CMSS1: variants seen among roughly 807,000 people sequenced by gnomAD.
CMSS1 encodes the protein cms1 ribosomal small subunit homolog, also known as protein CMSS1.
Under a neutral mutation model 43.5 loss-of-function variants are expected in CMSS1, and 33 were observed. That is an observed-to-expected ratio of 0.76 (90% CI 0.57 to 1.01). The LOEUF is 1.01. Among genes scored for constraint, CMSS1 ranks in the 50% least tolerant of loss-of-function variants. The pLI is 0.00. For missense variants in CMSS1, 313 were observed against 326.4 expected (o/e 0.96, Z 0.32); for synonymous variants, 115 against 117.2 (o/e 0.98, Z 0.12).
chr3:100,098,520 A>G (rs139557974), intron 1 of CMSS1, among the ~76,000 whole-genome samples: 2 of 152,362 alleles, frequency 1.3e-5, no homozygotes, highest in African/African-American at 2.4e-5. Context: ...ATTGTTAGCT[A>G]TAATTGACTG....
At chr3:99,820,488 C>T (rs1247046174) in intron 1 of CMSS1, among the ~76,000 whole-genome samples, 1 of 152,174 alleles carries the variant, frequency 6.6e-6, no homozygotes, top group African/African-American at 2.4e-5. Context: ...TGAATCACCG[C>T]ACCCGGCCAA....
chr3:99,928,699 G>C (rs941678456), intron 1 of CMSS1, among the ~76,000 whole-genome samples: 10 of 152,126 alleles, frequency 6.6e-5, no homozygotes, highest in Admixed American at 3.9e-4. Context: ...TTTTGTTAGG[G>C]TTATGTTCAG....
intron 1 of CMSS1, among the ~76,000 whole-genome samples, chr3:99,886,245 GGGGAATGAGTGTAAA>G (rs1705892365): frequency 1.4e-5 from 1 of 73,734 alleles, no homozygotes; most frequent in African/African-American, 5.7e-5. Flanking sequence ...CCTGGTGAGA[GGGGAATGAGTGTAAA>G]GCAGGGATGT....
At chr3:99,947,273 T>C (rs947823560) in intron 1 of CMSS1, among the ~76,000 whole-genome samples, 1 of 152,088 alleles carries the variant, frequency 6.6e-6, no homozygotes, top group Non-Finnish European at 1.5e-5. Flanking sequence ...TAGTTTCCCA[T>C]AGACTTTCTT....
rs140286856 is a variant in CMSS1, at chr3:99,906,440, T to A, written c.64+88397T>A. On this transcript the variant is annotated intron_variant, in intron 1 of 9. Coordinates refer to ENST00000421999, the MANE Select transcript of CMSS1 (RefSeq NM_032359.4). Reference sequence around the variant, plus strand: ...ATTCTGTATGTGAGTCTTTTGTTGGTTATACATAAGCAAATATCTTCTCCC... The same window carrying A: ...ATTCTGTATGTGAGTCTTTTGTTGGATATACATAAGCAAATATCTTCTCCC... Among the ~76,000 whole-genome samples the A allele has an allele frequency of 8.8e-4, 134 of 152,348 alleles. No individual in the cohort carries two copies. In the East Asian group the frequency reaches 0.022, roughly 25 times the overall value.
At chr3:99,930,416 C>T (rs1223715745) in intron 1 of CMSS1, among the ~76,000 whole-genome samples, 1 of 152,122 alleles carries the variant, frequency 6.6e-6, no homozygotes, top group Non-Finnish European at 1.5e-5. Flanking sequence ...GTCTAGGAGC[C>T]AGTTCACTTG....
At chr3:99,850,773 C>T (rs1943648716) in intron 1 of CMSS1, 1 of 1,614,058 alleles carries the variant, frequency 6.2e-7, no homozygotes, top group Admixed American at 1.7e-5. Context: ...CTTGGTGAAA[C>T]TTTGTGGTCT....
At chr3:100,165,477 A>G (rs138165186) in intron 4 of CMSS1, among the ~76,000 whole-genome samples, 37 of 152,268 alleles carry the variant, frequency 2.4e-4, no homozygotes, top group Admixed American at 9.2e-4. Context: ...GTATGTATAT[A>G]CATATTAAAA....
chr3:99,847,681 A>G, intron 1 of CMSS1, among the ~76,000 whole-genome samples: 1 of 152,212 alleles, frequency 6.6e-6, no homozygotes, highest in African/African-American at 2.4e-5. Context: ...ATATATCCCA[A>G]GCATGAAGTT....
At chr3:100,094,944 T>C (rs1201009961) in intron 1 of CMSS1, among the ~76,000 whole-genome samples, 1 of 152,088 alleles carries the variant, frequency 6.6e-6, no homozygotes, top group Non-Finnish European at 1.5e-5. Flanking sequence ...CGCCTCGGCC[T>C]CCCAAAGTGC....
At chr3:100,115,704 A>G (rs184231545) in intron 1 of CMSS1, among the ~76,000 whole-genome samples, 1 of 151,538 alleles carries the variant, frequency 6.6e-6, no homozygotes, top group Non-Finnish European at 1.5e-5. Context: ...ATTAATTTAT[A>G]TACTTTAGTG....
intron 1 of CMSS1, among the ~76,000 whole-genome samples, chr3:99,987,046 T>C (rs1709361707): frequency 6.6e-6 from 1 of 151,182 alleles, no homozygotes; most frequent in Non-Finnish European, 1.5e-5. Flanking sequence ...CTGGGCAACA[T>C]AGTGACACCC....
intron 1 of CMSS1, among the ~76,000 whole-genome samples, chr3:100,143,394 T>G (rs578198807): frequency 3.3e-5 from 5 of 152,358 alleles, no homozygotes; most frequent in African/African-American, 1.2e-4. Flanking sequence ...GCCATAATGT[T>G]GCTGAAAGTT....
At chr3:100,011,260 G>A (rs371559427) in intron 1 of CMSS1, among the ~76,000 whole-genome samples, 3 of 152,062 alleles carry the variant, frequency 2.0e-5, no homozygotes, top group Non-Finnish European at 4.4e-5. Flanking sequence ...TTTTTCCTCA[G>A]GGAAATGTTT....
chr3:99,957,703 T>TTTTTTTTTTTTTTTTTTTTTTTTTTG (rs1708369433), intron 1 of CMSS1, among the ~76,000 whole-genome samples: 1 of 118,258 alleles, frequency 8.5e-6, no homozygotes, highest in Non-Finnish European at 1.7e-5. Context: ...CTTTTTTTTT[T>TTTTTTTTTTTTTTTTTTTTTTTTTTG]TTTTTTTTTT....
intron 2 of CMSS1, among the ~76,000 whole-genome samples, chr3:100,158,601 C>G (rs1408228035): frequency 6.6e-6 from 1 of 152,190 alleles, no homozygotes; most frequent in Non-Finnish European, 1.5e-5. Context: ...GCTAAAGTAA[C>G]TAGTCTCCAA....
chr3:100,127,356 G>A (rs1235299179), intron 1 of CMSS1, among the ~76,000 whole-genome samples: 1 of 152,054 alleles, frequency 6.6e-6, no homozygotes, highest in African/African-American at 2.4e-5. Context: ...GCTTTCCATG[G>A]GTCCAGCCAA....
chr3:100,129,863 T>G (rs2066692603), intron 1 of CMSS1, among the ~76,000 whole-genome samples: 1 of 152,264 alleles, frequency 6.6e-6, no homozygotes, highest in Non-Finnish European at 1.5e-5. Context: ...TTGGTTCTCA[T>G]AGTGTCTTCC....
At chr3:100,013,848 A>G (rs75492141) in intron 1 of CMSS1, among the ~76,000 whole-genome samples, 13,572 of 152,110 alleles carry the variant, frequency 0.089, 770 homozygotes, top group East Asian at 0.2. Flanking sequence ...TATTTTAGCA[A>G]TTTTCAAGTG....
Sources: gnomAD v4.1 joint callset for allele counts (sites outside exome capture counted in the v4.1 genomes callset) on GRCh38, gnomAD v4.1.1 for gene constraint, MANE v1.5 for transcripts, NCBI Gene and HGNC (gene_info 2026-07-23, HGNC 2026-07-21) for gene names.